The following CFH variants were observed in gnomAD, a reference collection of about 807,000 sequenced individuals.
CFH encodes the protein complement factor H.
In CFH, 53 loss-of-function variants were observed where a neutral mutation model predicts 147.3. The ratio of observed to expected loss-of-function variants is 0.36; its 90% CI spans 0.29 to 0.45. The LOEUF is 0.45. Among genes scored for constraint, CFH ranks in the 20% least tolerant of loss-of-function variants. The pLI is 1.00. For synonymous variants in CFH, 536 were observed against 489.4 expected (o/e 1.10, Z -1.26); for missense variants, 1,380 against 1,498.0 (o/e 0.92, Z 1.30).
At chr1:196,713,684 A>G in intron 9 of CFH, 51 bp from the exon 10 acceptor site, 1 of 1,167,634 alleles carries the variant, frequency 8.6e-7, no homozygotes, top group Non-Finnish European at 1.2e-6. Flanking sequence ...AAATTCTTAT[A>G]AAATGTTATT....
intron 11 of CFH, among the ~76,000 whole-genome samples, chr1:196,721,575 G>A (rs1022778116): frequency 1.3e-5 from 2 of 151,878 alleles, no homozygotes. Flanking sequence ...AGGTCCATTT[G>A]TTCTACAGTC....
At chr1:196,675,376 G>A (rs1667420192) in intron 3 of CFH, among the ~76,000 whole-genome samples, 1 of 152,102 alleles carries the variant, frequency 6.6e-6, no homozygotes, top group Non-Finnish European at 1.5e-5. Flanking sequence ...CGATAGAGAT[G>A]GAGAGATGGA....
intron 9 of CFH, among the ~76,000 whole-genome samples, chr1:196,712,589 C>T (rs753903561): frequency 8.2e-4 from 124 of 151,454 alleles, no homozygotes; most frequent in Non-Finnish European, 1.4e-3. Flanking sequence ...TAGTAAACGA[C>T]AGTAATTTCT....
chr1:196,715,624 C>G lies in CFH; in HGVS notation c.1551C>G (p.Ala517=), dbSNP rs1350793173. 6.2e-7 allele frequency: 1 copy of G among 1,612,368 alleles called. No individual in the cohort carries two copies. The stretch of plus-strand genomic sequence containing the variant: ...GTGATATCCCAGTATTTATGAATGC[C>G]AGAACTAAAAATGACTTCACATGGT... ...KSCDIPVFMN[A]RTKNDFTWFK... is the part of the protein sequence containing the mutation. The change falls in exon 11 of 22, where the codon GCC becomes GCG. Residue 517 remains alanine (A), a synonymous_variant. Transcript: ENST00000367429.
intron 15 of CFH, among the ~76,000 whole-genome samples, chr1:196,733,894 A>G (rs1235794159): frequency 1.3e-5 from 2 of 152,062 alleles, no homozygotes; most frequent in African/African-American, 2.4e-5. Flanking sequence ...AGAATATATC[A>G]TAAAACTTCT....
intron 11 of CFH, among the ~76,000 whole-genome samples, chr1:196,721,151 TA>T (rs141408533): frequency 0.13 from 19,831 of 148,192 alleles, 1,922 homozygotes; most frequent in East Asian, 0.48. Context: ...ATGGGATTAT[TA>T]TTTTTTTTTC....
chr1:196,698,392 C>A (rs1668349863), intron 9 of CFH, among the ~76,000 whole-genome samples: 1 of 152,114 alleles, frequency 6.6e-6, no homozygotes, highest in South Asian at 2.1e-4. Flanking sequence ...AAGAGGGTAT[C>A]ACCACTGATC....
At chr1:196,736,558 A>G (rs1669407023) in intron 15 of CFH, among the ~76,000 whole-genome samples, 1 of 152,006 alleles carries the variant, frequency 6.6e-6, no homozygotes, top group African/African-American at 2.4e-5. Context: ...TATTAAACAA[A>G]GAATATATGA....
chr1:196,663,502 T>C (rs188932021), intron 1 of CFH, among the ~76,000 whole-genome samples: 4 of 152,350 alleles, frequency 2.6e-5, no homozygotes, highest in Admixed American at 2.0e-4. Context: ...ACAACAGAAT[T>C]AGTATTGTTG....
intron 4 of CFH, among the ~76,000 whole-genome samples, chr1:196,676,476 C>G (rs1206846332): frequency 3.3e-5 from 5 of 151,936 alleles, no homozygotes; most frequent in Non-Finnish European, 7.4e-5. Context: ...TTGAGACCTC[C>G]CACTAAGGGA....
intron 9 of CFH, among the ~76,000 whole-genome samples, chr1:196,697,677 A>G (rs1261623055): frequency 6.6e-6 from 1 of 152,146 alleles, no homozygotes; most frequent in Non-Finnish European, 1.5e-5. Flanking sequence ...AGGATTATAA[A>G]TCATGCTGCT....
At chr1:196,672,862 G>T (rs1055603171) in intron 1 of CFH, 116 bp from the exon 2 acceptor site, 2 of 758,950 alleles carry the variant, frequency 2.6e-6, no homozygotes, top group South Asian at 1.8e-5. Flanking sequence ...GAGAGAGAGA[G>T]AGAAATTTAG....
chr1:196,685,382 T>C, intron 7 of CFH, 145 bp downstream of exon 7: 1 of 819,668 alleles, frequency 1.2e-6, no homozygotes, highest in East Asian at 2.7e-5. Context: ...GTTTTCGAAG[T>C]TGCCGAAACT....
At chr1:196,700,826 G>A in intron 9 of CFH, 2 of 985,302 alleles carry the variant, frequency 2.0e-6, no homozygotes, top group Non-Finnish European at 2.4e-6. Flanking sequence ...GTGTTGGCAG[G>A]GCAGTGCTGA....
chr1:196,691,371 A>C (rs1668018939), intron 9 of CFH, among the ~76,000 whole-genome samples: 1 of 152,244 alleles, frequency 6.6e-6, no homozygotes, highest in East Asian at 1.9e-4. Context: ...GGTTTCCTAC[A>C]GTATTTATTC....
At chr1:196,742,617 C>T (rs1285787588) in intron 19 of CFH, among the ~76,000 whole-genome samples, 2 of 152,220 alleles carry the variant, frequency 1.3e-5, no homozygotes, top group East Asian at 3.9e-4. Context: ...TCATCATCTT[C>T]TTGGAGATTG....
intron 11 of CFH, among the ~76,000 whole-genome samples, chr1:196,717,738 C>A (rs1668904285): frequency 6.6e-6 from 1 of 151,998 alleles, no homozygotes; most frequent in Non-Finnish European, 1.5e-5. Flanking sequence ...AAAAGGGGAG[C>A]TGCAAAGGCT....
intron 12 of CFH, among the ~76,000 whole-genome samples, chr1:196,725,693 A>G (rs1418999723): frequency 3.3e-5 from 5 of 152,194 alleles, no homozygotes; most frequent in Non-Finnish European, 7.4e-5. Context: ...AGGGAAGAGG[A>G]GCCACTGTGT....
At chr1:196,689,681 A>C in intron 8 of CFH, 67 bp downstream of exon 8, 3 of 1,535,898 alleles carry the variant, frequency 2.0e-6, no homozygotes, top group Non-Finnish European at 2.7e-6. Context: ...AGGAGAGCAC[A>C]TAAGTGATTA....
Sources: allele counts gnomAD v4.1 joint callset (sites outside exome capture counted in the v4.1 genomes callset), GRCh38; gene constraint gnomAD v4.1.1; transcripts MANE v1.5; gene names NCBI Gene and HGNC (gene_info 2026-07-23, HGNC 2026-07-21).